Variants in F13A1 observed in about 807,000 individuals in gnomAD.
F13A1 encodes FSF, A subunit.
A neutral mutation model predicts 80.1 loss-of-function variants in F13A1; 47 were observed. The observed-to-expected ratio is 0.59, with a 90% CI of 0.46 to 0.75. The LOEUF is 0.75. F13A1 is among the 30% of genes least tolerant of loss of function. The pLI is 0.00. For missense variants in F13A1, 817 were observed against 930.4 expected, an observed-to-expected ratio of 0.88 and a Z score of 1.59; for synonymous variants, 349 against 344.9, an observed-to-expected ratio of 1.01 and a Z score of -0.13.
chr6:6,236,730 A>G (rs1285945682), intron 6 of F13A1, among the ~76,000 whole-genome samples: 2 of 152,202 alleles, frequency 1.3e-5, no homozygotes, highest in Non-Finnish European at 2.9e-5. Context: ...TAGGATTTCC[A>G]TAACTCTTTT....
intron 8 of F13A1, among the ~76,000 whole-genome samples, chr6:6,212,598 T>A (rs1761638243): frequency 6.6e-6 from 1 of 152,018 alleles, no homozygotes; most frequent in Non-Finnish European, 1.5e-5. Flanking sequence ...GCAGAAAAAC[T>A]GGAAACTCTA....
rs1268971501 is a variant in F13A1, at chr6:6,162,298, A to G, written c.1908+5160T>C. ...CAAGGCACGCTTCTCACTGCTCTAC[A>G]TACTGCCGTCCACCTCCCCTCTAGC... is the stretch of plus-strand genomic sequence containing the variant. On this transcript the variant is annotated intron_variant, in intron 13 of 14. Transcript: ENST00000264870. The surrounding 1 kb of genome is among the most constrained non-coding windows in gnomAD (Gnocchi z 4.2). Among the ~76,000 whole-genome samples the G allele has an allele frequency of 3.9e-5, 6 of 152,084 alleles. No individual in the cohort carries two copies. The highest frequency in any genetic ancestry group is 3.9e-4 in the Admixed American group (6 of 15,262).
intron 3 of F13A1, among the ~76,000 whole-genome samples, chr6:6,287,961 C>T (rs1011388472): frequency 1.3e-5 from 2 of 152,082 alleles, no homozygotes; most frequent in African/African-American, 4.8e-5. Flanking sequence ...CAATGCCCTC[C>T]TATTTGCTTT....
chr6:6,167,237 C>A (rs1295216739), intron 13 of F13A1, among the ~76,000 whole-genome samples: 1 of 151,878 alleles, frequency 6.6e-6, no homozygotes, highest in African/African-American at 2.4e-5. Flanking sequence ...ATATTTAAAT[C>A]TGGAGAGGAG....
chr6:6,209,900 T>C (rs1168218303), intron 8 of F13A1, among the ~76,000 whole-genome samples: 1 of 152,112 alleles, frequency 6.6e-6, no homozygotes, highest in Non-Finnish European at 1.5e-5. Context: ...TTCTGGAATC[T>C]GATGATAATG....
chr6:6,148,651 C>T (rs975954881), intron 14 of F13A1, among the ~76,000 whole-genome samples: 9 of 152,102 alleles, frequency 5.9e-5, no homozygotes, highest in South Asian at 2.1e-4. Flanking sequence ...GAAGTGGGCA[C>T]GGACTGGCTC....
intron 2 of F13A1, among the ~76,000 whole-genome samples, chr6:6,310,092 G>C (rs1158894403): frequency 6.6e-6 from 1 of 152,196 alleles, no homozygotes; most frequent in Non-Finnish European, 1.5e-5. Context: ...TTAATGTCTA[G>C]TGAGACTGGT....
chr6:6,181,979 G>A lies in F13A1; in HGVS notation c.1459+9C>T, dbSNP rs191282565. The A allele has an allele frequency of 1.9e-6, 3 of 1,614,072 alleles. No individual in the cohort carries two copies. In the East Asian group the frequency reaches 6.7e-5, roughly 36 times the overall value. On this transcript the variant is annotated intron_variant, in intron 11 of 14. Coordinates refer to ENST00000264870, the MANE Select transcript of F13A1 (RefSeq NM_000129.4). Reference sequence around the variant, plus strand: ...GCAAATAAATCTTCATTCAGTGGTAGTAAATTACCTTCTTGGAATTTGTAA... The same window carrying A: ...GCAAATAAATCTTCATTCAGTGGTAATAAATTACCTTCTTGGAATTTGTAA...
intron 10 of F13A1, among the ~76,000 whole-genome samples, chr6:6,194,705 G>A (rs567628450): frequency 6.6e-6 from 1 of 152,262 alleles, no homozygotes; most frequent in South Asian, 2.1e-4. Context: ...CCTGTCACCT[G>A]GCATCTAGAA....
intron 3 of F13A1, among the ~76,000 whole-genome samples, chr6:6,293,782 A>G (rs142199123): frequency 8.5e-4 from 57 of 66,906 alleles, no homozygotes; most frequent in African/African-American, 3.5e-3. Flanking sequence ...AGTGAGAGAG[A>G]GAGGGAGGGA....
intron 6 of F13A1, among the ~76,000 whole-genome samples, chr6:6,228,731 C>CAAAAA (rs35068752): frequency 4.5e-4 from 33 of 72,658 alleles, no homozygotes; most frequent in African/African-American, 1.7e-3. Context: ...GATCCTGTCT[C>CAAAAA]AAAAAAAAAA....
chr6:6,243,165 A>G lies in F13A1; in HGVS notation c.798+5147T>C, dbSNP rs1757506302. Among the ~76,000 whole-genome samples the G allele has an allele frequency of 6.6e-6, 1 of 151,354 alleles. No individual in the cohort carries two copies. Among genetic ancestry groups the G allele is most frequent in the South Asian group, 2.1e-4 (1 of 4,780 alleles). ...ATCACCACCACCACCACATTACGCC[A>G]TCACCACCACTACCACCATCACTCC... On this transcript the variant is annotated intron_variant, in intron 6 of 14. Coordinates refer to ENST00000264870, the MANE Select transcript of F13A1 (RefSeq NM_000129.4). This position sits in a 1 kb window ranked among gnomAD's most constrained non-coding sequence, Gnocchi z 4.2.
At chr6:6,206,598 G>T in intron 8 of F13A1, 1 of 509,186 alleles carries the variant, frequency 2.0e-6, no homozygotes, top group South Asian at 1.5e-5. Context: ...GGAATGGATG[G>T]GTACCTGAGA....
chr6:6,305,289 A>T, intron 3 of F13A1, 62 bp downstream of exon 3: 8 of 1,573,174 alleles, frequency 5.1e-6, no homozygotes, highest in Non-Finnish European at 7.0e-6. Context: ...CTGTGCCTGT[A>T]CCCACCTCTC....
chr6:6,286,688 T>C (rs1478800504), intron 3 of F13A1, among the ~76,000 whole-genome samples: 1 of 152,120 alleles, frequency 6.6e-6, no homozygotes, highest in African/African-American at 2.4e-5. Context: ...TGTGTATGTA[T>C]GCATGAGAGA....
intron 7 of F13A1, 116 bp from the exon 8 acceptor site, chr6:6,222,287 A>T: frequency 7.3e-7 from 1 of 1,364,276 alleles, no homozygotes; most frequent in Non-Finnish European, 1.0e-6. Context: ...AGCCCTTTGG[A>T]CATGTTATTC....
At chr6:6,209,874 G>A (rs1278322157) in intron 8 of F13A1, among the ~76,000 whole-genome samples, 2 of 152,096 alleles carry the variant, frequency 1.3e-5, no homozygotes, top group Non-Finnish European at 2.9e-5. Flanking sequence ...AGGTATGGCA[G>A]AGGGGAGAGA....
At position 6,210,829 on chromosome 6, in the gene F13A1, AG is replaced by A. The variant is rs761544701; in HGVS notation, c.1112+11203del. 1.3e-3 allele frequency among the ~76,000 whole-genome samples: 200 copies of A among 152,050 alleles called. 1 individual carries two copies. The highest frequency in any genetic ancestry group is 3.4e-3 in the Admixed American group (52 of 15,270). ...CTGCAACCTCTGTCTCCCAGGTTCA[AG>A]TGATTCTCCTGCCTCAGCCTCCCAA... On this transcript the variant is annotated intron_variant, in intron 8 of 14. Coordinates refer to ENST00000264870, the MANE Select transcript of F13A1 (RefSeq NM_000129.4).
intron 10 of F13A1, among the ~76,000 whole-genome samples, chr6:6,191,767 T>C (rs1378044442): frequency 6.6e-6 from 1 of 152,210 alleles, no homozygotes; most frequent in Admixed American, 6.5e-5. Flanking sequence ...ATGCTGCTTC[T>C]CAGAGGGCAT....
Sources: gnomAD v4.1 joint callset for allele counts (sites outside exome capture counted in the v4.1 genomes callset) on GRCh38, gnomAD v4.1.1 for gene constraint, Gnocchi (gnomAD v3.1) non-coding constraint, MANE v1.5 for transcripts, NCBI Gene and HGNC (gene_info 2026-07-23, HGNC 2026-07-21) for gene names.